ZC3HAV1: variants seen among roughly 807,000 people sequenced by gnomAD.
ZC3HAV1 encodes the protein zinc finger CCCH-type antiviral protein 1.
Under a neutral mutation model 86.6 loss-of-function variants are expected in ZC3HAV1, and 41 were observed. The ratio of observed to expected loss-of-function variants is 0.47; its 90% confidence interval spans 0.37 to 0.61. ZC3HAV1 has a LOEUF of 0.61. Among genes scored for constraint, ZC3HAV1 ranks in the 20% least tolerant of loss-of-function variants. ZC3HAV1 has a pLI of 0.00. For missense variants in ZC3HAV1, 964 were observed against 1,141.1 expected, an observed-to-expected ratio of 0.84 and a Z score of 2.24; for synonymous variants, 421 against 432.1, an observed-to-expected ratio of 0.97 and a Z score of 0.32.
chr7:139,086,522 TCA>T (rs1817277434), intron 2 of ZC3HAV1, among the ~76,000 whole-genome samples: 1 of 151,802 alleles, frequency 6.6e-6, no homozygotes, highest in Admixed American at 6.6e-5. Context: ...ATAGGGACCC[TCA>T]CAGCACTGTA....
intron 10 of ZC3HAV1, 105 bp from the exon 11 acceptor site, chr7:139,054,200 T>C (rs1246757060): frequency 8.5e-7 from 1 of 1,182,106 alleles, no homozygotes; most frequent in African/African-American, 1.6e-5. Context: ...ACCAGGGTTC[T>C]TTCTAACAGC....
intron 2 of ZC3HAV1, among the ~76,000 whole-genome samples, chr7:139,084,436 C>T (rs1002340552): frequency 9.9e-5 from 15 of 152,244 alleles, no homozygotes; most frequent in Non-Finnish European, 1.8e-4. Flanking sequence ...TTAGACTCTG[C>T]TAGGCAGAAT....
intron 1 of ZC3HAV1, among the ~76,000 whole-genome samples, chr7:139,096,445 A>C (rs1280230235): frequency 6.6e-6 from 1 of 152,210 alleles, no homozygotes; most frequent in Non-Finnish European, 1.5e-5. Context: ...TATTAACCAG[A>C]GAGAGATTAA....
At chr7:139,093,632 G>T (rs574622970) in intron 1 of ZC3HAV1, among the ~76,000 whole-genome samples, 1 of 152,174 alleles carries the variant, frequency 6.6e-6, no homozygotes, top group East Asian at 1.9e-4. Context: ...GCCCCTGCCC[G>T]CCAGAGAACA....
intron 2 of ZC3HAV1, among the ~76,000 whole-genome samples, chr7:139,085,782 G>A (rs1031996670): frequency 6.6e-6 from 1 of 152,138 alleles, no homozygotes; most frequent in African/African-American, 2.4e-5. Context: ...GGAGGCTGAG[G>A]CGGGAGGATC....
intron 7 of ZC3HAV1, among the ~76,000 whole-genome samples, chr7:139,065,482 G>A (rs1816572488): frequency 6.6e-6 from 1 of 152,120 alleles, no homozygotes; most frequent in South Asian, 2.1e-4. Flanking sequence ...TAGTTGCAGT[G>A]TTCAAATATA....
intron 8 of ZC3HAV1, among the ~76,000 whole-genome samples, chr7:139,063,027 C>CAAAAAAAAAAAAAAAA (rs58859916): frequency 1.5e-4 from 10 of 68,082 alleles, no homozygotes; most frequent in Non-Finnish European, 2.0e-4. Flanking sequence ...GACTCTGTCT[C>CAAAAAAAAAAAAAAAA]AAAAAAAAAA....
At chr7:139,071,192 G>T (rs139639981) in intron 7 of ZC3HAV1, among the ~76,000 whole-genome samples, 3 of 151,000 alleles carry the variant, frequency 2.0e-5, no homozygotes, top group Admixed American at 1.3e-4. Flanking sequence ...TACCTCCTTG[G>T]TTCAAGCAAT....
chr7:139,092,570 G>A (rs1478025416), intron 1 of ZC3HAV1, among the ~76,000 whole-genome samples: 1 of 152,226 alleles, frequency 6.6e-6, no homozygotes, highest in Admixed American at 6.5e-5. Flanking sequence ...CCTAGCTGAG[G>A]AGTGTGGCAC....
At chr7:139,090,922 C>G (rs77028647) in intron 1 of ZC3HAV1, among the ~76,000 whole-genome samples, 10,517 of 152,216 alleles carry the variant, frequency 0.069, 400 homozygotes, top group African/African-American at 0.095. Flanking sequence ...CATCCGTGTA[C>G]CTTGCCTCCT....
At chr7:139,052,251 G>T (rs1428527457) in intron 12 of ZC3HAV1, among the ~76,000 whole-genome samples, 2 of 149,396 alleles carry the variant, frequency 1.3e-5, no homozygotes, top group Non-Finnish European at 3.0e-5. Context: ...GTAGCATTAG[G>T]TATATCTCCT....
rs1263439139 is a variant in ZC3HAV1 at position 139,047,362 on chromosome 7, T to A, written c.*232A>T. 6.1e-6 allele frequency: 3 copies of A among 489,556 alleles called. No homozygotes were observed. Among genetic ancestry groups the A allele is most frequent in the Admixed American group, 4.2e-5 (1 of 23,724 alleles). 30.3% of individuals were successfully genotyped at this position (489,556 alleles called of 1,614,324 possible). A position where few individuals can be genotyped will look rare whatever the true frequency, so the allele number is the denominator to read the frequency against. On this transcript the variant is annotated 3_prime_UTR_variant, in exon 13 of 13. Coordinates refer to ENST00000242351, the MANE Select transcript of ZC3HAV1 (RefSeq NM_020119.4). ...AAAAAAAAAAAAAAATACAACTGCC[T>A]GGCGCTGACGCCCAGAAATGATTTC...
At position 139,099,916 on chromosome 7, in the gene ZC3HAV1, A is replaced by AAAATAAATAAAT. The variant is rs112469477; in HGVS notation, c.308+9096_308+9107dup. 5.2e-3 allele frequency among the ~76,000 whole-genome samples: 783 copies of AAAATAAATAAAT among 150,100 alleles called. 6 individuals carry two copies. The highest frequency in any genetic ancestry group is 0.012 in the African/African-American group (484 of 40,806). The stretch of plus-strand genomic sequence containing the variant: ...CACTCTAGCCTGGGTGACAGAACAA[A>AAAATAAATAAAT]AAATAAATAAATAAATAAATAAATA... On this transcript the variant is annotated intron_variant, in intron 1 of 12. Coordinates refer to ENST00000242351, the MANE Select transcript of ZC3HAV1 (RefSeq NM_020119.4).
At chr7:139,061,295 A>G (rs368249530) in intron 8 of ZC3HAV1, among the ~76,000 whole-genome samples, 157 bp from the exon 9 acceptor site, 1 of 152,386 alleles carries the variant, frequency 6.6e-6, no homozygotes, top group East Asian at 1.9e-4. Context: ...AATTGCTCAC[A>G]GTAAAAGACT....
At chr7:139,065,299 G>C (rs1467090407) in intron 7 of ZC3HAV1, among the ~76,000 whole-genome samples, 2 of 152,142 alleles carry the variant, frequency 1.3e-5, no homozygotes, top group Non-Finnish European at 2.9e-5. Flanking sequence ...CAAATATACA[G>C]AGCAACTTGC....
chr7:139,080,266 T>C (rs1584859157), intron 3 of ZC3HAV1, 23 bp from the exon 4 acceptor site: 1 of 1,613,726 alleles, frequency 6.2e-7, no homozygotes, highest in Non-Finnish European at 8.5e-7. Flanking sequence ...AAAGCCAAAA[T>C]GAAACAAAAT....
chr7:139,109,448 C>CTCGCTGACTCCG lies in ZC3HAV1; in HGVS notation c.-118_-117insCGGAGTCAGCGA. The CTCGCTGACTCCG allele has an allele frequency of 7.6e-7, 1 of 1,320,552 alleles. No homozygotes were observed. The highest frequency in any genetic ancestry group is 1.0e-6 in the Non-Finnish European group (1 of 1,000,240). 81.8% of individuals were successfully genotyped at this position (1,320,552 alleles called of 1,614,324 possible). A position where few individuals can be genotyped will look rare whatever the true frequency, so the allele number is the denominator to read the frequency against. Reference sequence around the variant, plus strand: ...GGGCGGTGCTACTGCTGGGCGCGCCCGGAGTCAGCGAGGGCGCGCTCTCCG... The same window carrying CTCGCTGACTCCG: ...GGGCGGTGCTACTGCTGGGCGCGCCCTCGCTGACTCCGGGAGTCAGCGAGGGCGCGCTCTCCG... On this transcript the variant is annotated 5_prime_UTR_variant, in exon 1 of 13. Coordinates refer to ENST00000242351, the MANE Select transcript of ZC3HAV1 (RefSeq NM_020119.4).
chr7:139,057,624 C>T (rs1222604045), intron 9 of ZC3HAV1, among the ~76,000 whole-genome samples: 1 of 24,806 alleles, frequency 4.0e-5, no homozygotes, highest in African/African-American at 2.4e-4. Context: ...CTGCAAGCTC[C>T]GCCTCCCGGG....
chr7:139,076,468 T>C (rs1816955473), intron 5 of ZC3HAV1, 59 bp from the exon 6 acceptor site: 3 of 1,600,184 alleles, frequency 1.9e-6, no homozygotes, highest in Non-Finnish European at 2.6e-6. Flanking sequence ...ACCAATTCAG[T>C]CAAGTTCACT....
Sources: allele counts gnomAD v4.1 joint callset (sites outside exome capture counted in the v4.1 genomes callset), GRCh38; gene constraint gnomAD v4.1.1; transcripts MANE v1.5; gene names NCBI Gene and HGNC (gene_info 2026-07-23, HGNC 2026-07-21).